The following SRGAP2C variants were observed in gnomAD, a reference collection of about 807,000 sequenced individuals.
The protein encoded by SRGAP2C is SLIT-ROBO Rho GTPase activating protein 2C.
In SRGAP2C, 15 loss-of-function variants were observed where a neutral mutation model predicts 25.1. That is an observed-to-expected ratio of 0.60 (90% CI 0.40 to 0.92). The LOEUF is 0.92. Ranked by LOEUF, SRGAP2C falls within the 40% of genes least tolerant of loss-of-function variation. The probability of loss-of-function intolerance (pLI) is 0.00; values close to 1 mark genes in which losing one functional copy is unlikely to be tolerated. For synonymous variants in SRGAP2C, 44 were observed against 96.6 expected (o/e 0.46, Z 3.19); for missense variants, 144 against 264.4 (o/e 0.54, Z 3.16).
At chr1:121,309,421 A>G (rs1452987393) in intron 3 of SRGAP2C, among the ~76,000 whole-genome samples, 1 of 102,236 alleles carries the variant, frequency 9.8e-6, no homozygotes, top group Non-Finnish European at 2.1e-5. Flanking sequence ...ACACTGAATC[A>G]TTCCTTTTTT....
intron 2 of SRGAP2C, among the ~76,000 whole-genome samples, chr1:121,266,197 A>G (rs1226037958): frequency 1.3e-5 from 2 of 149,356 alleles, no homozygotes; most frequent in Non-Finnish European, 1.5e-5. Context: ...CTGGTCTGGA[A>G]CTCCTGACTT....
intron 2 of SRGAP2C, among the ~76,000 whole-genome samples, chr1:121,279,989 A>C (rs1349906108): frequency 4.6e-5 from 7 of 151,796 alleles, no homozygotes; most frequent in African/African-American, 1.2e-4. Flanking sequence ...AGAATATGCT[A>C]TGTGGTGGGG....
Position 121,374,971 on chromosome 1 carries a change from A to T in SRGAP2C, c.831+17A>T. 2 of 774,934 alleles carry T rather than the reference A, an allele frequency of 2.6e-6. No homozygotes were observed. The highest frequency in any genetic ancestry group is 4.8e-6 in the Non-Finnish European group (2 of 414,650). 48.0% of individuals were successfully genotyped at this position (774,934 alleles called of 1,614,324 possible). A position where few individuals can be genotyped will look rare whatever the true frequency, so the allele number is the denominator to read the frequency against. On this transcript the variant is annotated intron_variant, in intron 7 of 9. Transcript: ENST00000367123. ...CTTATTGATGTAAGTGCTTAAAGCC[A>T]AGGGCCTGAGGGCCCCTCTTTTCTG...
At chr1:121,278,018 G>T (rs1657146091) in intron 2 of SRGAP2C, among the ~76,000 whole-genome samples, 1 of 148,776 alleles carries the variant, frequency 6.7e-6, no homozygotes, top group Admixed American at 6.7e-5. Flanking sequence ...ACGGCTCACT[G>T]TGGCCTTGAC....
At chr1:121,374,994 C>G (rs1659603241) in intron 7 of SRGAP2C, 40 bp downstream of exon 7, 1 of 764,748 alleles carries the variant, frequency 1.3e-6, no homozygotes, top group Non-Finnish European at 2.4e-6. Context: ...CCCCTCTTTT[C>G]TGGTTTCAGA....
intron 2 of SRGAP2C, among the ~76,000 whole-genome samples, chr1:121,281,345 T>C (rs1396288221): frequency 1.3e-5 from 2 of 151,848 alleles, no homozygotes; most frequent in Non-Finnish European, 2.9e-5. Context: ...TCTTCCTTCT[T>C]CATTCTCTTT....
At chr1:121,200,709 AT>A (rs1268077711) in intron 2 of SRGAP2C, among the ~76,000 whole-genome samples, 9 of 151,482 alleles carry the variant, frequency 5.9e-5, no homozygotes, top group African/African-American at 2.2e-4. Flanking sequence ...GACAGCTCAT[AT>A]TTTTATCATT....
intron 4 of SRGAP2C, among the ~76,000 whole-genome samples, chr1:121,337,807 TTATTAA>T (rs2101621852): frequency 7.8e-6 from 1 of 128,232 alleles, no homozygotes; most frequent in East Asian, 2.2e-4. Context: ...CAATTTGTTA[TTATTAA>T]GAATCACAGC....
intron 3 of SRGAP2C, among the ~76,000 whole-genome samples, chr1:121,286,473 G>T (rs1211343234): frequency 1.3e-5 from 2 of 151,272 alleles, no homozygotes; most frequent in Non-Finnish European, 2.9e-5. Context: ...GCCCAGTTTG[G>T]TCTCAAACTC....
At chr1:121,294,516 C>A (rs1553338089) in intron 3 of SRGAP2C, among the ~76,000 whole-genome samples, 9 of 134,236 alleles carry the variant, frequency 6.7e-5, no homozygotes, top group Non-Finnish European at 1.4e-4. Flanking sequence ...TGTTGCTGAG[C>A]CTTTGATTGT....
intron 2 of SRGAP2C, among the ~76,000 whole-genome samples, chr1:121,237,517 ACT>A (rs1655988312): frequency 6.6e-6 from 1 of 151,490 alleles, no homozygotes; most frequent in Non-Finnish European, 1.5e-5. Flanking sequence ...TCTGGAGATG[ACT>A]CTGTATAAGC....
chr1:121,277,339 C>T (rs1436422494), intron 2 of SRGAP2C, among the ~76,000 whole-genome samples: 2 of 151,932 alleles, frequency 1.3e-5, no homozygotes, highest in African/African-American at 4.8e-5. Context: ...TCCATTACCG[C>T]CCCTTTGCAA....
At chr1:121,246,027 A>AT (rs1656218127) in intron 2 of SRGAP2C, among the ~76,000 whole-genome samples, 1 of 126,842 alleles carries the variant, frequency 7.9e-6, no homozygotes, top group Non-Finnish European at 1.7e-5. Flanking sequence ...GGCAGCACCT[A>AT]TTCTGCCTTG....
chr1:121,249,576 ATATATTT>A (rs1246398427), intron 2 of SRGAP2C, among the ~76,000 whole-genome samples: 52 of 21,494 alleles, frequency 2.4e-3, no homozygotes, highest in Admixed American at 4.9e-3. Context: ...ATATATATAT[ATATATTT>A]TTTTTTTTTT....
chr1:121,224,808 G>T (rs1452875155), intron 2 of SRGAP2C, among the ~76,000 whole-genome samples: 4 of 152,092 alleles, frequency 2.6e-5, no homozygotes, highest in African/African-American at 9.7e-5. Flanking sequence ...GAATGTACAA[G>T]ACCCGGGCTT....
intron 2 of SRGAP2C, among the ~76,000 whole-genome samples, chr1:121,280,117 A>T (rs1433931502): frequency 2.7e-5 from 4 of 148,882 alleles, no homozygotes; most frequent in Non-Finnish European, 4.5e-5. Flanking sequence ...AACAATCATC[A>T]CTATCTTAAT....
rs1291325995 is a variant in SRGAP2C at position 121,331,911 on chromosome 1, G to A, written c.423+7271G>A. Among the ~76,000 whole-genome samples the A allele has an allele frequency of 1.1e-4, 16 of 152,132 alleles. No homozygotes were observed. The East Asian group carries it at 3.1e-3, about 30-fold the overall frequency. On this transcript the variant is annotated intron_variant, in intron 4 of 9. Coordinates refer to ENST00000367123, the MANE Select transcript of SRGAP2C (RefSeq NM_001329984.2). The stretch of plus-strand genomic sequence containing the variant: ...GAGAATAGATATTGATTGCCTTGGG[G>A]CCAGGATGGGGATGAAGGATTGACT...
At chr1:121,187,975 GT>G (rs1184517540) in intron 2 of SRGAP2C, among the ~76,000 whole-genome samples, 1 of 152,156 alleles carries the variant, frequency 6.6e-6, no homozygotes, top group Admixed American at 6.5e-5. Flanking sequence ...GAGAGGAGGG[GT>G]TTTTCGGATG....
At chr1:121,231,577 A>G (rs1553327562) in intron 2 of SRGAP2C, among the ~76,000 whole-genome samples, 2 of 150,858 alleles carry the variant, frequency 1.3e-5, no homozygotes, top group African/African-American at 2.5e-5. Context: ...GGGTTAAGCC[A>G]CAGATTTAGC....
Sources: allele counts gnomAD v4.1 joint callset (sites outside exome capture counted in the v4.1 genomes callset), GRCh38; gene constraint gnomAD v4.1.1; transcripts MANE v1.5; gene names NCBI Gene and HGNC (gene_info 2026-07-23, HGNC 2026-07-21).